HDDC2: variants seen among roughly 807,000 people sequenced by gnomAD.
The protein encoded by HDDC2 is 5'-deoxynucleotidase HDDC2.
Under a neutral mutation model 25.5 loss-of-function variants are expected in HDDC2, and 25 were observed. That is an observed-to-expected ratio of 0.98 (90% CI 0.72 to 1.37). The LOEUF is 1.37. Among genes scored for constraint, HDDC2 ranks in the 40% most tolerant of loss-of-function variants. The pLI, the probability that HDDC2 is intolerant of heterozygous loss-of-function variation, is 0.00. For missense variants in HDDC2, 264 were observed against 253.1 expected (o/e 1.04, Z -0.29); for synonymous variants, 106 against 89.7 (o/e 1.18, Z -1.03).
Position 125,298,457 on chromosome 6 carries a change from T to C in HDDC2, c.309+257A>G, listed in dbSNP as rs1798738908. ...ACTCATTACGACCTTCCTTCACATG[T>C]TTACCAATCTAAATCTATTATATCC... On this transcript the variant is annotated intron_variant, in intron 3 of 5. Coordinates refer to ENST00000398153, the MANE Select transcript of HDDC2 (RefSeq NM_016063.3). 2.0e-5 allele frequency among the ~76,000 whole-genome samples: 3 copies of C among 152,188 alleles called. No individual in the cohort carries two copies. In the South Asian group the frequency reaches 6.2e-4, roughly 32 times the overall value.
intron 2 of HDDC2, among the ~76,000 whole-genome samples, chr6:125,299,578 A>G (rs1242112920): frequency 1.3e-5 from 2 of 152,206 alleles, no homozygotes; most frequent in Non-Finnish European, 2.9e-5. Flanking sequence ...AAGGCAGTAC[A>G]AGGCCCAACA....
chr6:125,299,646 C>A (rs191519997), intron 2 of HDDC2, among the ~76,000 whole-genome samples: 2 of 152,206 alleles, frequency 1.3e-5, no homozygotes, highest in African/African-American at 4.8e-5. Context: ...AAATCCCAGA[C>A]TACTCCAAAC....
chr6:125,285,929 A>G (rs1261001560), intron 4 of HDDC2, among the ~76,000 whole-genome samples: 1 of 152,310 alleles, frequency 6.6e-6, no homozygotes, highest in Non-Finnish European at 1.5e-5. Context: ...TCTGTCCCTC[A>G]AAGTACAGTT....
chr6:125,299,813 T>C (rs1798768300), intron 2 of HDDC2, among the ~76,000 whole-genome samples: 1 of 152,164 alleles, frequency 6.6e-6, no homozygotes, highest in Admixed American at 6.5e-5. Flanking sequence ...AAATACTCCT[T>C]TACTTTCCTA....
At chr6:125,293,546 T>C (rs1297325359) in intron 3 of HDDC2, among the ~76,000 whole-genome samples, 2 of 152,154 alleles carry the variant, frequency 1.3e-5, no homozygotes, top group Non-Finnish European at 2.9e-5. Context: ...AATAGCATCA[T>C]GGAACAGTTC....
intron 4 of HDDC2, among the ~76,000 whole-genome samples, chr6:125,282,279 G>A (rs1050301451): frequency 1.3e-5 from 2 of 151,516 alleles, no homozygotes; most frequent in African/African-American, 4.9e-5. Context: ...CCGGGAAGCG[G>A]AGGTTGCAGT....
intron 3 of HDDC2, among the ~76,000 whole-genome samples, chr6:125,298,041 A>C (rs1798730873): frequency 6.6e-6 from 1 of 152,200 alleles, no homozygotes. Context: ...CTTATTTAGC[A>C]TGGAGAATTC....
At chr6:125,301,690 C>T (rs930507186) in intron 1 of HDDC2, among the ~76,000 whole-genome samples, 159 bp downstream of exon 1, 2 of 152,136 alleles carry the variant, frequency 1.3e-5, no homozygotes, top group African/African-American at 4.8e-5. Context: ...GTCGGCAACG[C>T]GCGGCCGCAT....
chr6:125,287,902 G>A (rs747512349), intron 4 of HDDC2, among the ~76,000 whole-genome samples: 11 of 152,318 alleles, frequency 7.2e-5, no homozygotes, highest in Non-Finnish European at 8.8e-5. Flanking sequence ...CAGGCAGAGC[G>A]GGGTTGCCGG....
chr6:125,298,641 C>A (rs1489581664), intron 3 of HDDC2, 73 bp downstream of exon 3: 4 of 1,061,208 alleles, frequency 3.8e-6, no homozygotes, highest in Non-Finnish European at 5.9e-6. Context: ...TGTAACAGGT[C>A]TCATAAACTT....
At chr6:125,292,195 A>T (rs928234002) in intron 4 of HDDC2, among the ~76,000 whole-genome samples, 1 of 152,158 alleles carries the variant, frequency 6.6e-6, no homozygotes, top group Non-Finnish European at 1.5e-5. Context: ...TGGAAGAGAG[A>T]AACTGTAATT....
At chr6:125,297,453 G>A (rs527515393) in intron 3 of HDDC2, 10 of 397,482 alleles carry the variant, frequency 2.5e-5, no homozygotes, top group African/African-American at 2.1e-4. Context: ...CTCTTAAACT[G>A]GGACTCTCGT....
In HDDC2 at chr6:125,277,258, T is replaced by G. The variant is rs1158501798; in HGVS notation, c.379-18A>C. 3 of 1,613,316 alleles carry G rather than the reference T, an allele frequency of 1.9e-6. No homozygotes were observed. The highest frequency in any genetic ancestry group is 2.5e-6 in the Non-Finnish European group (3 of 1,179,578). ...TCGTACTCCTAAGTAAAGGGACAATTAAAGCAGCATGATTAGCGCTGCATA... is the reference window on the plus strand; with the variant it reads ...TCGTACTCCTAAGTAAAGGGACAATGAAAGCAGCATGATTAGCGCTGCATA... On this transcript the variant is annotated intron_variant, in intron 4 of 5. Transcript: ENST00000398153.
intron 4 of HDDC2, among the ~76,000 whole-genome samples, chr6:125,284,144 C>G (rs1429574339): frequency 1.3e-5 from 2 of 152,156 alleles, no homozygotes; most frequent in Non-Finnish European, 2.9e-5. Flanking sequence ...TTTCCTTACA[C>G]CTTATACAAA....
At chr6:125,287,930 C>CGAAG (rs1798567386) in intron 4 of HDDC2, among the ~76,000 whole-genome samples, 1 of 152,192 alleles carries the variant, frequency 6.6e-6, no homozygotes, top group African/African-American at 2.4e-5. Context: ...CACACCCACA[C>CGAAG]GAAGGCCGAA....
intron 4 of HDDC2, chr6:125,278,871 G>A (rs1296628191): frequency 6.6e-6 from 1 of 152,180 alleles, no homozygotes; most frequent in Non-Finnish European, 1.5e-5. Context: ...AAAAGTAAAT[G>A]AGAAGGAAAA....
intron 4 of HDDC2, among the ~76,000 whole-genome samples, chr6:125,290,605 A>G (rs927175629): frequency 6.6e-6 from 1 of 152,114 alleles, no homozygotes; most frequent in African/African-American, 2.4e-5. Context: ...ACCCTTATTC[A>G]ATAGAGAGAA....
chr6:125,300,732 G>T, intron 1 of HDDC2, 73 bp from the exon 2 acceptor site: 1 of 1,450,898 alleles, frequency 6.9e-7, no homozygotes, highest in Non-Finnish European at 9.4e-7. Flanking sequence ...TTCAAGAGAT[G>T]TCCAGGATAT....
intron 4 of HDDC2, among the ~76,000 whole-genome samples, chr6:125,282,733 G>C (rs962859475): frequency 1.3e-5 from 2 of 152,320 alleles, no homozygotes; most frequent in Non-Finnish European, 2.9e-5. Flanking sequence ...ATTGGATAGA[G>C]TCAAGACCCA....
Sources: allele counts gnomAD v4.1 joint callset (sites outside exome capture counted in the v4.1 genomes callset), GRCh38; gene constraint gnomAD v4.1.1; transcripts MANE v1.5; gene names NCBI Gene and HGNC (gene_info 2026-07-23, HGNC 2026-07-21).